The following TANGO6 variants were observed in gnomAD, a reference collection of about 807,000 sequenced individuals.
The protein encoded by TANGO6 is transport and golgi organization 6 homolog, also known as transport and Golgi organization protein 6 homolog.
In TANGO6, 90 loss-of-function variants were observed where a neutral mutation model predicts 114.2. The ratio of observed to expected loss-of-function variants is 0.79; its 90% confidence interval spans 0.66 to 0.94. TANGO6 has a LOEUF of 0.94. Ranked by LOEUF, TANGO6 falls within the 40% of genes least tolerant of loss-of-function variation. TANGO6 has a pLI of 0.00. For missense variants in TANGO6, 1,274 were observed against 1,315.3 expected, an observed-to-expected ratio of 0.97 and a Z score of 0.49; for synonymous variants, 477 against 509.8, an observed-to-expected ratio of 0.94 and a Z score of 0.87.
At chr16:68,860,762 C>T (rs1342168968) in intron 2 of TANGO6, among the ~76,000 whole-genome samples, 1 of 152,120 alleles carries the variant, frequency 6.6e-6, no homozygotes, top group African/African-American at 2.4e-5. Context: ...TGGGAAACAG[C>T]TATAGCAGGC....
At chr16:69,083,400 C>T in intron 17 of TANGO6, 85 bp from the exon 18 acceptor site, 1 of 1,461,324 alleles carries the variant, frequency 6.8e-7, no homozygotes, top group Non-Finnish European at 9.1e-7. Context: ...CACAGATCTC[C>T]TCAGGCAGGA....
At chr16:68,881,248 T>C (rs181501051) in intron 7 of TANGO6, among the ~76,000 whole-genome samples, 16 of 152,204 alleles carry the variant, frequency 1.1e-4, no homozygotes, top group Admixed American at 4.6e-4. Flanking sequence ...GCATGGTGGC[T>C]CACGCCTGTC....
intron 17 of TANGO6, among the ~76,000 whole-genome samples, chr16:69,051,993 G>A (rs1959957687): frequency 6.8e-6 from 1 of 148,008 alleles, no homozygotes; most frequent in Admixed American, 6.7e-5. Context: ...GACCCAGGTG[G>A]GAGTGGTGCA....
intron 15 of TANGO6, among the ~76,000 whole-genome samples, chr16:69,000,160 C>T (rs1360310160): frequency 1.3e-5 from 2 of 152,180 alleles, no homozygotes; most frequent in Non-Finnish European, 2.9e-5. Flanking sequence ...AGAAGTTTCA[C>T]ATAATTTTGG....
chr16:68,902,518 T>C lies in TANGO6; in HGVS notation c.1667+14T>C, dbSNP rs761597985. On this transcript the variant is annotated intron_variant, in intron 9 of 17. Transcript: ENST00000261778. Reference sequence around the variant, plus strand: ...AGAGGCCATTAGGTGAGTCCACCCATCCGTTACTGTTCTCTTCAGATTTAG... The same window carrying C: ...AGAGGCCATTAGGTGAGTCCACCCACCCGTTACTGTTCTCTTCAGATTTAG... 1 of 1,599,938 alleles carries C rather than the reference T, an allele frequency of 6.3e-7. No individual in the cohort carries two copies. Among genetic ancestry groups the C allele is most frequent in the Admixed American group, 1.7e-5 (1 of 57,362 alleles).
chr16:69,036,574 G>A (rs956097145), intron 16 of TANGO6, among the ~76,000 whole-genome samples: 4 of 152,116 alleles, frequency 2.6e-5, no homozygotes, highest in South Asian at 4.1e-4. Context: ...CTAACAGCCC[G>A]TAGCAAGCAG....
chr16:68,942,532 G>C (rs1963364869), intron 14 of TANGO6, among the ~76,000 whole-genome samples: 1 of 152,140 alleles, frequency 6.6e-6, no homozygotes, highest in African/African-American at 2.4e-5. Context: ...AATCAAACCT[G>C]ATGAAAAGAT....
chr16:68,899,410 TTG>T (rs1962753795), intron 7 of TANGO6, among the ~76,000 whole-genome samples: 1 of 152,194 alleles, frequency 6.6e-6, no homozygotes, highest in South Asian at 2.1e-4. Context: ...CAGTAAAAGT[TTG>T]TTGAATTGAA....
chr16:68,855,402 T>C (rs1961971515), intron 1 of TANGO6, among the ~76,000 whole-genome samples: 1 of 150,680 alleles, frequency 6.6e-6, no homozygotes, highest in African/African-American at 2.5e-5. Context: ...GGCAACATGG[T>C]GAAACCCCAT....
chr16:68,950,519 C>T (rs928474097), intron 14 of TANGO6, among the ~76,000 whole-genome samples: 3 of 131,926 alleles, frequency 2.3e-5, no homozygotes, highest in Non-Finnish European at 1.6e-5. Flanking sequence ...GAGCCGAGAT[C>T]GAGCCACTGT....
chr16:68,981,299 C>T (rs1216588276), intron 15 of TANGO6, among the ~76,000 whole-genome samples: 1 of 149,308 alleles, frequency 6.7e-6, no homozygotes, highest in African/African-American at 2.5e-5. Flanking sequence ...CAACCTCTGC[C>T]TTCCGGGTTC....
intron 7 of TANGO6, among the ~76,000 whole-genome samples, chr16:68,890,294 C>G (rs1397773748): frequency 6.6e-6 from 1 of 152,140 alleles, no homozygotes; most frequent in Non-Finnish European, 1.5e-5. Context: ...AGAAATCTAA[C>G]ATTTGTATGG....
chr16:69,079,409 T>G (rs1179282931), intron 17 of TANGO6, among the ~76,000 whole-genome samples: 1 of 151,782 alleles, frequency 6.6e-6, no homozygotes, highest in Non-Finnish European at 1.5e-5. Flanking sequence ...TTATAGGCCC[T>G]ATTTCTTTTA....
chr16:68,898,140 C>G (rs1159242569), intron 7 of TANGO6, among the ~76,000 whole-genome samples: 1 of 151,938 alleles, frequency 6.6e-6, no homozygotes, highest in African/African-American at 2.4e-5. Context: ...TTTACGTTAT[C>G]TGGAAGAATC....
chr16:68,947,389 G>A (rs1289223176), intron 14 of TANGO6, among the ~76,000 whole-genome samples: 1 of 151,856 alleles, frequency 6.6e-6, no homozygotes, highest in Non-Finnish European at 1.5e-5. Context: ...GGGAGTCGAA[G>A]GTTGCGGTGA....
intron 14 of TANGO6, among the ~76,000 whole-genome samples, chr16:68,937,947 A>G (rs1433996616): frequency 6.6e-6 from 1 of 152,208 alleles, no homozygotes; most frequent in Non-Finnish European, 1.5e-5. Context: ...CTGGGTATAT[A>G]CATATACCTA....
intron 17 of TANGO6, among the ~76,000 whole-genome samples, chr16:69,063,840 T>G (rs1033552454): frequency 2.7e-5 from 4 of 146,020 alleles, no homozygotes; most frequent in South Asian, 2.1e-4. Context: ...TTATTATTAT[T>G]ATTATATTAT....
At chr16:68,963,199 G>A (rs1963612013) in intron 14 of TANGO6, among the ~76,000 whole-genome samples, 1 of 150,174 alleles carries the variant, frequency 6.7e-6, no homozygotes, top group African/African-American at 2.5e-5. Context: ...TCAGCTCACT[G>A]CAACCTCCAC....
At chr16:68,973,716 G>C (rs539994251) in intron 14 of TANGO6, among the ~76,000 whole-genome samples, 1 of 152,336 alleles carries the variant, frequency 6.6e-6, no homozygotes, top group African/African-American at 2.4e-5. Flanking sequence ...CAGTTCCACA[G>C]AGGGAAATTA....
Sources: allele counts gnomAD v4.1 joint callset (sites outside exome capture counted in the v4.1 genomes callset), GRCh38; gene constraint gnomAD v4.1.1; transcripts MANE v1.5; gene names NCBI Gene and HGNC (gene_info 2026-07-23, HGNC 2026-07-21).